Variants in CAMKMT observed in about 807,000 individuals in gnomAD.
CAMKMT encodes the protein calmodulin-lysine N-methyltransferase, also known as CaM KMT.
Under a neutral mutation model 48.0 loss-of-function variants are expected in CAMKMT, and 53 were observed. That is an observed-to-expected ratio of 1.10 (90% CI 0.89 to 1.39). The LOEUF (loss-of-function observed/expected upper bound fraction) is 1.39. Among genes scored for constraint, CAMKMT ranks in the 40% most tolerant of loss-of-function variants. The pLI, the probability that CAMKMT is intolerant of heterozygous loss-of-function variation, is 0.00. For missense variants in CAMKMT, 428 were observed against 402.7 expected, an observed-to-expected ratio of 1.06 and a Z score of -0.54; for synonymous variants, 165 against 152.3, an observed-to-expected ratio of 1.08 and a Z score of -0.61.
intron 3 of CAMKMT, chr2:44,394,993 T>TAAAA: frequency 2.2e-6 from 1 of 444,620 alleles, no homozygotes. Flanking sequence ...ACTTTTCCTG[T>TAAAA]AAAAAAAAGA....
At chr2:44,572,916 T>C (rs1668998007) in intron 3 of CAMKMT, among the ~76,000 whole-genome samples, 1 of 152,206 alleles carries the variant, frequency 6.6e-6, no homozygotes, top group Non-Finnish European at 1.5e-5. Context: ...GCACAAGGGT[T>C]CCAATTGTAT....
At chr2:44,504,373 T>A (rs528570063) in intron 3 of CAMKMT, among the ~76,000 whole-genome samples, 1 of 152,354 alleles carries the variant, frequency 6.6e-6, no homozygotes, top group South Asian at 2.1e-4. Flanking sequence ...TTTATAGATA[T>A]TTTTGAATTT....
chr2:44,578,630 T>C (rs2103765158), intron 3 of CAMKMT, among the ~76,000 whole-genome samples: 2 of 152,308 alleles, frequency 1.3e-5, no homozygotes, highest in South Asian at 4.1e-4. Flanking sequence ...TGAAACACTT[T>C]CCTAGTTCTA....
At chr2:44,476,639 A>G (rs1668703390) in intron 3 of CAMKMT, among the ~76,000 whole-genome samples, 1 of 124,364 alleles carries the variant, frequency 8.0e-6, no homozygotes, top group South Asian at 2.8e-4. Flanking sequence ...TAATTTTATA[A>G]ACTAAATTAC....
At chr2:44,551,949 GA>G (rs1372200067) in intron 3 of CAMKMT, among the ~76,000 whole-genome samples, 4 of 152,124 alleles carry the variant, frequency 2.6e-5, no homozygotes, top group Non-Finnish European at 5.9e-5. Context: ...TACTCAGGGC[GA>G]AGTGTAATAT....
At chr2:44,523,958 G>A (rs1671267244) in intron 3 of CAMKMT, among the ~76,000 whole-genome samples, 2 of 151,340 alleles carry the variant, frequency 1.3e-5, no homozygotes, top group Admixed American at 6.6e-5. Flanking sequence ...TGTATTTTTA[G>A]TAGAGATGGG....
At chr2:44,520,489 T>C (rs1671051074) in intron 3 of CAMKMT, among the ~76,000 whole-genome samples, 1 of 152,200 alleles carries the variant, frequency 6.6e-6, no homozygotes, top group East Asian at 1.9e-4. Context: ...TATATCATCA[T>C]GAGTGAATTA....
intron 3 of CAMKMT, among the ~76,000 whole-genome samples, chr2:44,435,492 A>G (rs1236651155): frequency 6.6e-6 from 1 of 152,214 alleles, no homozygotes. Context: ...ATCCTTAATT[A>G]CAACTCAGTT....
intron 3 of CAMKMT, among the ~76,000 whole-genome samples, chr2:44,559,692 G>A (rs925162588): frequency 1.3e-5 from 2 of 152,116 alleles, no homozygotes; most frequent in Non-Finnish European, 2.9e-5. Context: ...CTTACTGGAG[G>A]ATAATTATGG....
intron 7 of CAMKMT, among the ~76,000 whole-genome samples, chr2:44,739,182 T>C (rs542575428): frequency 3.9e-5 from 6 of 152,360 alleles, no homozygotes; most frequent in African/African-American, 1.4e-4. Context: ...TCACTCTGGC[T>C]GCTCTCTTGA....
At chr2:44,480,895 C>A (rs560512698) in intron 3 of CAMKMT, among the ~76,000 whole-genome samples, 1 of 151,566 alleles carries the variant, frequency 6.6e-6, no homozygotes, top group Non-Finnish European at 1.5e-5. Context: ...CATAGAGATG[C>A]ATATATATAT....
chr2:44,744,316 C>G (rs1390619828), intron 8 of CAMKMT, among the ~76,000 whole-genome samples: 1 of 152,110 alleles, frequency 6.6e-6, no homozygotes, highest in Admixed American at 6.5e-5. Flanking sequence ...AGGTGCCTGC[C>G]TTTTAAAAAT....
Position 44,375,189 on chromosome 2 carries a change from T to A in CAMKMT, c.311+2301T>A, listed in dbSNP as rs1025905449. ...GGTTTCTGTTTTTTTTTTGTTTTGT[T>A]TTTTAATATTACTTGGAATAGCCCA... On this transcript the variant is annotated intron_variant, in intron 2 of 10. Coordinates refer to ENST00000378494, the MANE Select transcript of CAMKMT (RefSeq NM_024766.5). Among the ~76,000 whole-genome samples the A allele has an allele frequency of 2.0e-5, 3 of 151,886 alleles. No homozygotes were observed. The East Asian group carries it at 5.8e-4, about 29-fold the overall frequency.
At chr2:44,546,137 C>G (rs1667382821) in intron 3 of CAMKMT, among the ~76,000 whole-genome samples, 1 of 146,758 alleles carries the variant, frequency 6.8e-6, no homozygotes, top group Non-Finnish European at 1.5e-5. Context: ...TTGGATCTGG[C>G]TATCTTAGAC....
chr2:44,420,788 A>G (rs1015825562), intron 3 of CAMKMT, among the ~76,000 whole-genome samples: 9 of 151,456 alleles, frequency 5.9e-5, no homozygotes, highest in Admixed American at 3.3e-4. Context: ...ATAGAGTATC[A>G]TTTATTTCAT....
chr2:44,537,705 G>A (rs573454420), intron 3 of CAMKMT, among the ~76,000 whole-genome samples: 2 of 152,178 alleles, frequency 1.3e-5, no homozygotes, highest in Admixed American at 6.5e-5. Context: ...CTGGTACTAC[G>A]GGCATGTGCC....
rs368649024 is a variant in CAMKMT, at chr2:44,766,514, C to T, written c.847C>T (p.Gln283Ter). ...NLAEKAGFCI[Q>*]RHENYDEHIS... is the part of the protein sequence containing the mutation. ...AGCTGAAAAAGCTGGTTTCTGTATC[C>T]AAAGACATGAAAATTATGATGAACA... The change falls in exon 10 of 11, where the codon CAA becomes TAA. Residue 283 changes from glutamine (Q) to a stop codon, truncating the protein, a stop_gained. Transcript: ENST00000378494. LOFTEE classifies it high-confidence loss of function. 21 of 1,613,952 alleles carry T rather than the reference C, an allele frequency of 1.3e-5. No individual in the cohort carries two copies. Among genetic ancestry groups the T allele is most frequent in the Non-Finnish European group, 1.8e-5 (21 of 1,180,008 alleles).
chr2:44,489,243 A>ATTTT (rs11389463), intron 3 of CAMKMT, among the ~76,000 whole-genome samples: 3 of 107,728 alleles, frequency 2.8e-5, no homozygotes, highest in African/African-American at 1.0e-4. Flanking sequence ...ATGGAATACT[A>ATTTT]TTTTTTTTTT....
intron 3 of CAMKMT, among the ~76,000 whole-genome samples, chr2:44,544,988 AG>A (rs1171984666): frequency 6.6e-6 from 1 of 152,240 alleles, no homozygotes; most frequent in African/African-American, 2.4e-5. Context: ...TTTAGATAAA[AG>A]CTAATCAATG....
Sources: allele counts gnomAD v4.1 joint callset (sites outside exome capture counted in the v4.1 genomes callset), GRCh38; gene constraint gnomAD v4.1.1; transcripts MANE v1.5; gene names NCBI Gene and HGNC (gene_info 2026-07-23, HGNC 2026-07-21).